The following HELQ variants were observed in gnomAD, a reference collection of about 807,000 sequenced individuals.
HELQ encodes helicase POLQ-like.
A neutral mutation model predicts 111.6 loss-of-function variants in HELQ; 77 were observed. That is an observed-to-expected ratio of 0.69 (90% CI 0.57 to 0.83). The LOEUF is 0.83. Among genes scored for constraint, HELQ ranks in the 40% least tolerant of loss-of-function variants. The pLI is 0.00. For missense variants in HELQ, 1,200 were observed against 1,288.5 expected, an observed-to-expected ratio of 0.93 and a Z score of 1.05; for synonymous variants, 438 against 454.7, an observed-to-expected ratio of 0.96 and a Z score of 0.47.
chr4:83,426,519 G>A (rs1719857437), intron 13 of HELQ, among the ~76,000 whole-genome samples: 1 of 150,952 alleles, frequency 6.6e-6, no homozygotes, highest in Admixed American at 6.6e-5. Context: ...AATTTCCTGT[G>A]ATTAAAAGAT....
At position 83,439,526 on chromosome 4, in the gene HELQ, A is replaced by AT. The variant is rs567128952; in HGVS notation, c.1808+336dup. 4.0e-4 allele frequency among the ~76,000 whole-genome samples: 60 copies of AT among 150,084 alleles called. 2 individuals carry two copies. The highest frequency in any genetic ancestry group is 1.4e-3 in the African/African-American group (56 of 40,042). ...AGGTGCAAGGCACCACACCCAGCTA[A>AT]TTTTTTGTATTTTTAGTAGAGATGG... On this transcript the variant is annotated intron_variant, in intron 8 of 17. Transcript: ENST00000295488.
At chr4:83,416,449 G>C (rs1271276949) in intron 17 of HELQ, among the ~76,000 whole-genome samples, 1 of 151,678 alleles carries the variant, frequency 6.6e-6, no homozygotes, top group East Asian at 1.9e-4. Flanking sequence ...TCAAACTCCT[G>C]ATTTCAAGCC....
chr4:83,429,939 G>C (rs1720051626), intron 11 of HELQ, among the ~76,000 whole-genome samples, 193 bp from the exon 12 acceptor site: 1 of 152,034 alleles, frequency 6.6e-6, no homozygotes, highest in Non-Finnish European at 1.5e-5. Flanking sequence ...GGGGATGATA[G>C]TTATTATATT....
intron 3 of HELQ, among the ~76,000 whole-genome samples, chr4:83,447,652 C>T (rs953756265): frequency 4.0e-5 from 6 of 151,806 alleles, no homozygotes; most frequent in African/African-American, 1.5e-4. Flanking sequence ...TGAGGACAGG[C>T]GTTTGAGATC....
chr4:83,411,804 TA>T (rs532836932), intron 17 of HELQ, among the ~76,000 whole-genome samples: 24 of 147,530 alleles, frequency 1.6e-4, no homozygotes, highest in Non-Finnish European at 2.0e-4. Context: ...CCTGGCTAAT[TA>T]AAAAAAAAAA....
At chr4:83,411,931 C>T (rs1434831755) in intron 17 of HELQ, among the ~76,000 whole-genome samples, 6 of 152,170 alleles carry the variant, frequency 3.9e-5, no homozygotes, top group Admixed American at 2.0e-4. Flanking sequence ...GTGTGAGCCA[C>T]TACACCTGAG....
chr4:83,434,976 T>G (rs768415575), intron 9 of HELQ, among the ~76,000 whole-genome samples: 12 of 152,086 alleles, frequency 7.9e-5, no homozygotes, highest in Non-Finnish European at 1.5e-4. Context: ...AAGCTTAGAT[T>G]AAAAGCATCC....
chr4:83,433,658 T>C (rs1385163272), intron 9 of HELQ, among the ~76,000 whole-genome samples: 2 of 107,172 alleles, frequency 1.9e-5, no homozygotes, highest in African/African-American at 4.2e-5. Flanking sequence ...AGAGCGAGAC[T>C]CCGTCTCAAA....
Position 83,427,592 on chromosome 4 carries a change from T to C in HELQ, c.2647A>G (p.Asn883Asp), listed in dbSNP as rs151152881. Residue 883 changes from asparagine to aspartate, a missense_variant, in exon 13 of 18, where the codon AAC (asparagine) becomes GAC (aspartate). By Grantham distance (23) the Asn-to-Asp change is conservative (BLOSUM62 1). Coordinates refer to ENST00000295488, the MANE Select transcript of HELQ (RefSeq NM_133636.5). ...TTPYDLVSQC[N>D]PDWMIYFRQF... ...CTGAAGTATATCATCCAATCAGGGT[T>C]ACACTGTGAAACCAGATCATAGGGG... 1,097 of 1,594,362 alleles carry C rather than the reference T, an allele frequency of 6.9e-4. 2 individuals carry two copies. Among genetic ancestry groups the C allele is most frequent in the Non-Finnish European group, 8.7e-4 (1,022 of 1,173,134 alleles).
chr4:83,435,002 C>T (rs773308305), intron 9 of HELQ, among the ~76,000 whole-genome samples: 1 of 151,992 alleles, frequency 6.6e-6, no homozygotes, highest in African/African-American at 2.4e-5. Flanking sequence ...AGTGCTAAGC[C>T]CTATGAATGA....
chr4:83,427,575 T>C lies in HELQ; in HGVS notation c.2664A>G (p.Ile888Met). 1 of 1,559,852 alleles carries C rather than the reference T, an allele frequency of 6.4e-7. No homozygotes were observed. The highest frequency in any genetic ancestry group is 8.6e-7 in the Non-Finnish European group (1 of 1,159,094). ...GTTATATTCTCACCTGCCTGAAGTA[T>C]ATCATCCAATCAGGGTTACACTGTG... Reference protein sequence around the residue: ...LVSQCNPDWMIYFRQFSQLSP... With the variant: ...LVSQCNPDWMMYFRQFSQLSP... The change falls in exon 13 of 18, where the codon ATA (isoleucine) becomes ATG (methionine). Residue 888 changes from isoleucine (I) to methionine (M), a missense_variant. Coordinates refer to ENST00000295488, the MANE Select transcript of HELQ (RefSeq NM_133636.5).
chr4:83,445,973 A>G, intron 5 of HELQ, 41 bp downstream of exon 5: 5 of 1,241,976 alleles, frequency 4.0e-6, no homozygotes, highest in Non-Finnish European at 5.9e-6. Context: ...AAGTCTCTTG[A>G]TTATAAATCA....
At chr4:83,412,549 G>C (rs529713709) in intron 17 of HELQ, among the ~76,000 whole-genome samples, 1 of 152,292 alleles carries the variant, frequency 6.6e-6, no homozygotes, top group South Asian at 2.1e-4. Context: ...ATTCCAGGCT[G>C]GGTGCAGTGG....
chr4:83,445,631 C>T (rs113185590), intron 5 of HELQ, among the ~76,000 whole-genome samples: 41 of 152,104 alleles, frequency 2.7e-4, no homozygotes, highest in African/African-American at 8.7e-4. Context: ...ATGATGATGG[C>T]CACAGTAGCA....
At chr4:83,418,292 T>A in intron 15 of HELQ, 86 bp from the exon 16 acceptor site, 1 of 657,662 alleles carries the variant, frequency 1.5e-6, no homozygotes, top group Non-Finnish European at 2.6e-6. Flanking sequence ...TCAGAGAGAA[T>A]GTTCCTTACA....
chr4:83,450,243 A>AAAT (rs1462853195), intron 2 of HELQ, among the ~76,000 whole-genome samples: 1 of 147,130 alleles, frequency 6.8e-6, no homozygotes, highest in Non-Finnish European at 1.5e-5. Context: ...AAAAAAAAAA[A>AAAT]AAAAAAAAAA....
intron 14 of HELQ, among the ~76,000 whole-genome samples, chr4:83,423,078 TAATC>T (rs1719629992): frequency 6.6e-6 from 1 of 152,096 alleles, no homozygotes; most frequent in Admixed American, 6.6e-5. Flanking sequence ...GCTTAGAAAC[TAATC>T]AATTCTTAAA....
intron 8 of HELQ, among the ~76,000 whole-genome samples, chr4:83,438,107 T>C (rs1174553470): frequency 2.0e-5 from 3 of 152,210 alleles, no homozygotes; most frequent in Non-Finnish European, 4.4e-5. Flanking sequence ...TTTTATATTT[T>C]GCTATTCAAT....
At chr4:83,430,371 T>C (rs1430872546) in intron 11 of HELQ, among the ~76,000 whole-genome samples, 3 of 152,156 alleles carry the variant, frequency 2.0e-5, no homozygotes, top group African/African-American at 7.2e-5. Flanking sequence ...TTGCCTAAAA[T>C]GTTACCTAAA....
Sources: allele counts gnomAD v4.1 joint callset (sites outside exome capture counted in the v4.1 genomes callset), GRCh38; gene constraint gnomAD v4.1.1; transcripts MANE v1.5; gene names NCBI Gene and HGNC (gene_info 2026-07-23, HGNC 2026-07-21).